The following GABRG1 variants were observed in gnomAD, a reference collection of about 807,000 sequenced individuals.
GABRG1 encodes gamma-aminobutyric acid receptor subunit gamma-1.
GABRG1 carries 49 observed loss-of-function variants against 49.8 expected under a neutral mutation model. The observed-to-expected ratio is 0.98, with a 90% CI of 0.78 to 1.25. The LOEUF (loss-of-function observed/expected upper bound fraction) is 1.25. Among genes scored for constraint, GABRG1 ranks in the 50% most tolerant of loss-of-function variants. The pLI is 0.00. For missense variants in GABRG1, 552 were observed against 552.3 expected, an observed-to-expected ratio of 1.00 and a Z score of 0.01; for synonymous variants, 232 against 185.1, an observed-to-expected ratio of 1.25 and a Z score of -2.06.
At chr4:46,115,462 TTA>T (rs1720854524) in intron 1 of GABRG1, among the ~76,000 whole-genome samples, 1 of 150,750 alleles carries the variant, frequency 6.6e-6, no homozygotes, top group South Asian at 2.1e-4. Flanking sequence ...CATTTTTTTC[TTA>T]TGTTTCAACA....
At chr4:46,080,362 G>C (rs1476107587) in intron 3 of GABRG1, among the ~76,000 whole-genome samples, 1 of 151,766 alleles carries the variant, frequency 6.6e-6, no homozygotes, top group Non-Finnish European at 1.5e-5. Context: ...TAATTTCCCT[G>C]TATTGTTTAG....
At chr4:46,120,310 C>T (rs1158984185) in intron 1 of GABRG1, among the ~76,000 whole-genome samples, 6 of 151,668 alleles carry the variant, frequency 4.0e-5, no homozygotes, top group Non-Finnish European at 4.4e-5. Context: ...TTTCACCCCT[C>T]CTTTGGGCCT....
chr4:46,074,823 G>A (rs190653755), intron 3 of GABRG1, among the ~76,000 whole-genome samples: 216 of 152,010 alleles, frequency 1.4e-3, no homozygotes, highest in African/African-American at 5.0e-3. Context: ...ATAATCAATA[G>A]AACAAATACT....
At chr4:46,106,445 A>G (rs1720549024) in intron 1 of GABRG1, among the ~76,000 whole-genome samples, 2 of 151,562 alleles carry the variant, frequency 1.3e-5, no homozygotes, top group Admixed American at 1.3e-4. Context: ...ATACAACAAA[A>G]GACTTTGACA....
At chr4:46,093,002 G>A (rs545221640) in intron 2 of GABRG1, among the ~76,000 whole-genome samples, 3 of 150,958 alleles carry the variant, frequency 2.0e-5, no homozygotes, top group African/African-American at 7.3e-5. Flanking sequence ...CCAGAAGGAG[G>A]AGGTTGCATT....
Position 46,041,079 on chromosome 4 carries a change from A to C in GABRG1, c.1307T>G (p.Ile436Ser), listed in dbSNP as rs1485340558. Residue 436 changes from isoleucine to serine, a missense_variant, in exon 9 of 9, where the codon ATT becomes AGT. Ile to Ser is a moderately radical substitution (Grantham distance 142). Transcript: ENST00000295452. Reference sequence around the variant, plus strand: ...TCTAGAATAAGAGTCAATTTTGGCAATGCGTATGTGTATCCTTCCTTCCCT... The same window carrying C: ...TCTAGAATAAGAGTCAATTTTGGCACTGCGTATGTGTATCCTTCCTTCCCT... The part of the protein sequence containing the change: ...SWREGRIHIR[I>S]AKIDSYSRIF... 2.5e-6 allele frequency: 4 copies of C among 1,613,174 alleles called. No homozygotes were observed. The highest frequency in any genetic ancestry group is 3.4e-6 in the Non-Finnish European group (4 of 1,179,374).
intron 2 of GABRG1, among the ~76,000 whole-genome samples, chr4:46,093,005 G>A (rs1720041767): frequency 6.7e-6 from 1 of 148,762 alleles, no homozygotes; most frequent in South Asian, 2.1e-4. Flanking sequence ...GAAGGAGGAG[G>A]TTGCATTGAG....
chr4:46,077,032 C>T (rs925988361), intron 3 of GABRG1, among the ~76,000 whole-genome samples: 1 of 149,496 alleles, frequency 6.7e-6, no homozygotes, highest in Non-Finnish European at 1.5e-5. Flanking sequence ...TAACGGATTT[C>T]TTAAAAGTAA....
At position 46,058,338 on chromosome 4, in the gene GABRG1, G is replaced by A. The variant is rs185565097; in HGVS notation, c.795C>T (p.Asp265=). ...GDYVIMTIFF[D]LSRRMGYFTI... ...TGAAATATCCCATTCTTCTGCTCAG[G>A]TCAAAAAAAATTGTCATGATAACAT... The change falls in exon 7 of 9, where the codon GAC becomes GAT. Residue 265 remains aspartate (D), a synonymous_variant. Transcript: ENST00000295452. The A allele has an allele frequency of 2.7e-5, 44 of 1,610,624 alleles. 1 individual carries two copies. The highest frequency in any genetic ancestry group is 2.0e-4 in the South Asian group (18 of 90,492).
chr4:46,087,377 A>T (rs1002392937), intron 2 of GABRG1, among the ~76,000 whole-genome samples: 5 of 151,712 alleles, frequency 3.3e-5, no homozygotes, highest in African/African-American at 1.2e-4. Flanking sequence ...TGTCATGCTT[A>T]TATAAGGTTG....
chr4:46,111,036 C>A (rs1242667623), intron 1 of GABRG1, among the ~76,000 whole-genome samples: 1 of 150,872 alleles, frequency 6.6e-6, no homozygotes, highest in Non-Finnish European at 1.5e-5. Context: ...AGGCATCGAA[C>A]AGAAAAAGAA....
chr4:46,103,586 T>G (rs879262313), intron 1 of GABRG1, among the ~76,000 whole-genome samples: 10 of 151,546 alleles, frequency 6.6e-5, no homozygotes, highest in Non-Finnish European at 1.3e-4. Flanking sequence ...TGAATTAATA[T>G]AAAATCCAGA....
In GABRG1 at chr4:46,065,387, A is replaced by G. The variant is rs776643051; in HGVS notation, c.519T>C (p.Asp173=). ...TPNRLLRIWN[D]GRVLYTLRLT... The stretch of plus-strand genomic sequence containing the variant: ...ACCTTAGAGTATACAGAACTCGTCC[A>G]TCATTCCAAATTCGAAGCAGACGAT... Residue 173 remains aspartate, a synonymous_variant, in exon 4 of 9, where the codon GAT becomes GAC. Transcript: ENST00000295452. The G allele has an allele frequency of 6.8e-5, 109 of 1,609,384 alleles. No homozygotes were observed. The highest frequency in any genetic ancestry group is 8.9e-5 in the Non-Finnish European group (105 of 1,176,004).
chr4:46,123,120 A>G (rs1721142010), intron 1 of GABRG1, among the ~76,000 whole-genome samples: 1 of 150,896 alleles, frequency 6.6e-6, no homozygotes, highest in Non-Finnish European at 1.5e-5. Context: ...ACACACACAC[A>G]CACACACACA....
chr4:46,040,854 A>C lies in GABRG1; in HGVS notation c.*134T>G, dbSNP rs554684658. The C allele has an allele frequency of 1.1e-6, 1 of 947,444 alleles. No individual in the cohort carries two copies. The highest frequency in any genetic ancestry group is 1.7e-5 in the African/African-American group (1 of 60,310). 58.7% of individuals were successfully genotyped at this position (947,444 alleles called of 1,614,324 possible). A position where few individuals can be genotyped will look rare whatever the true frequency, so the allele number is the denominator to read the frequency against. On this transcript the variant is annotated 3_prime_UTR_variant, in exon 9 of 9. Coordinates refer to ENST00000295452, the MANE Select transcript of GABRG1 (RefSeq NM_173536.4). ...CTTTATTTACTTCTGAAGGCCTTAA[A>C]ATAGTTACAATACTATTCACATTTT...
At chr4:46,116,496 A>G (rs970917708) in intron 1 of GABRG1, among the ~76,000 whole-genome samples, 1 of 150,802 alleles carries the variant, frequency 6.6e-6, no homozygotes, top group Admixed American at 6.6e-5. Context: ...TGGAGGCATT[A>G]TATTGAGCTT....
At chr4:46,104,425 A>C (rs1006890428) in intron 1 of GABRG1, among the ~76,000 whole-genome samples, 5 of 151,554 alleles carry the variant, frequency 3.3e-5, no homozygotes, top group Non-Finnish European at 5.9e-5. Context: ...TAAATGTAAT[A>C]ACTAATGTGT....
At chr4:46,065,225 C>T (rs1051828998) in intron 4 of GABRG1, 139 bp downstream of exon 4, 40 of 573,630 alleles carry the variant, frequency 7.0e-5, no homozygotes, top group Non-Finnish European at 1.1e-4. Context: ...CAAAGTATTT[C>T]ACCATTTTAT....
chr4:46,064,344 T>G, intron 5 of GABRG1, 97 bp downstream of exon 5: 2 of 660,566 alleles, frequency 3.0e-6, no homozygotes, highest in Non-Finnish European at 5.1e-6. Flanking sequence ...TAACTCACAC[T>G]TTTGAAAATC....
Sources: gnomAD v4.1 joint callset for allele counts (sites outside exome capture counted in the v4.1 genomes callset) on GRCh38, gnomAD v4.1.1 for gene constraint, MANE v1.5 for transcripts, NCBI Gene and HGNC (gene_info 2026-07-23, HGNC 2026-07-21) for gene names.